Variants in GPHN observed in about 807,000 individuals in gnomAD.
The protein encoded by GPHN is gephyrin.
In GPHN, 17 loss-of-function variants were observed where a neutral mutation model predicts 95.5. That is an observed-to-expected ratio of 0.18 (90% CI 0.12 to 0.27). The LOEUF (loss-of-function observed/expected upper bound fraction) is 0.27, where lower values mean the gene tolerates loss of function less well. GPHN is among the 10% of genes least tolerant of loss of function. GPHN has a pLI of 1.00. For missense variants in GPHN, 660 were observed against 978.1 expected (o/e 0.67, Z 4.34); for synonymous variants, 320 against 322.5 (o/e 0.99, Z 0.08).
chr14:67,584,559 G>C, the GPHN span, among the ~76,000 whole-genome samples: 4 of 152,168 alleles, frequency 2.6e-5, no homozygotes, highest in African/African-American at 9.7e-5. Context: ...ATTTCAGAAG[G>C]AACTTTTCTT....
At chr14:66,728,994 G>GGT (rs2071511087) in intron 2 of GPHN, among the ~76,000 whole-genome samples, 1 of 152,100 alleles carries the variant, frequency 6.6e-6, no homozygotes, top group South Asian at 2.1e-4. Flanking sequence ...TGAATAATGG[G>GGT]GTTGAGTCTT....
intron 17 of GPHN, among the ~76,000 whole-genome samples, chr14:67,129,597 A>G (rs1226117073): frequency 1.3e-5 from 2 of 152,224 alleles, no homozygotes; most frequent in Non-Finnish European, 2.9e-5. Flanking sequence ...AACTTGACAG[A>G]TAACTAATGT....
At chr14:67,270,559 A>G in the GPHN span, 1 of 148,336 alleles carries the variant, frequency 6.7e-6, no homozygotes, top group Non-Finnish European at 1.5e-5. Context: ...TAGTTCAGTC[A>G]TTTACCAGCT....
At chr14:67,214,319 A>G in the GPHN span, among the ~76,000 whole-genome samples, 2 of 152,104 alleles carry the variant, frequency 1.3e-5, no homozygotes, top group East Asian at 3.8e-4. Context: ...TAAGTCTTTA[A>G]TCCATCTTGA....
chr14:66,928,680 C>T (rs2066617987), intron 8 of GPHN, among the ~76,000 whole-genome samples: 1 of 152,056 alleles, frequency 6.6e-6, no homozygotes, highest in Non-Finnish European at 1.5e-5. Flanking sequence ...CCTCTTAGTA[C>T]TGTTTTGCCT....
intron 9 of GPHN, among the ~76,000 whole-genome samples, chr14:66,997,723 T>A (rs1046329776): frequency 2.0e-5 from 3 of 152,234 alleles, no homozygotes; most frequent in Admixed American, 6.5e-5. Flanking sequence ...GCTATCTTCT[T>A]CAATTTTTAA....
At chr14:66,513,934 C>T (rs8004619) in intron 1 of GPHN, among the ~76,000 whole-genome samples, 13 of 151,620 alleles carry the variant, frequency 8.6e-5, no homozygotes, top group African/African-American at 1.9e-4. Flanking sequence ...TTATACATTT[C>T]GAAAGAGTGT....
the GPHN span, among the ~76,000 whole-genome samples, chr14:67,412,627 T>G: frequency 6.6e-6 from 1 of 152,136 alleles, no homozygotes; most frequent in Non-Finnish European, 1.5e-5. Context: ...CAGGGCCCCC[T>G]GTCCGCAGGA....
intron 1 of GPHN, among the ~76,000 whole-genome samples, chr14:66,650,781 C>T (rs767561854): frequency 6.6e-6 from 1 of 152,118 alleles, no homozygotes; most frequent in African/African-American, 2.4e-5. Context: ...ATCAGGAAAA[C>T]GAAACTGGTC....
intron 20 of GPHN, among the ~76,000 whole-genome samples, chr14:67,166,334 C>T (rs2082274211): frequency 6.6e-6 from 1 of 152,132 alleles, no homozygotes; most frequent in Non-Finnish European, 1.5e-5. Flanking sequence ...GAAATGTGCT[C>T]CTTTTCCTAG....
intron 9 of GPHN, among the ~76,000 whole-genome samples, chr14:66,994,969 C>T (rs2071686021): frequency 6.6e-6 from 1 of 152,192 alleles, no homozygotes; most frequent in South Asian, 2.1e-4. Flanking sequence ...TGAGCACCTA[C>T]TACATTCTGC....
the GPHN span, chr14:67,279,356 AC>A: frequency 6.2e-7 from 1 of 1,614,018 alleles, no homozygotes; most frequent in Non-Finnish European, 8.5e-7. Flanking sequence ...TTCGGCAACA[AC>A]AGGAGGACAT....
chr14:67,433,791 G>A, the GPHN span, among the ~76,000 whole-genome samples: 1 of 152,124 alleles, frequency 6.6e-6, no homozygotes, highest in Non-Finnish European at 1.5e-5. Context: ...GATATAAGAT[G>A]AATAAGCATC....
chr14:66,945,022 G>C (rs1016270002), intron 8 of GPHN, among the ~76,000 whole-genome samples: 1 of 152,130 alleles, frequency 6.6e-6, no homozygotes, highest in Non-Finnish European at 1.5e-5. Flanking sequence ...GAAGTGAAAG[G>C]AAAAAAGATT....
the GPHN span, chr14:67,725,070 A>G: frequency 6.8e-6 from 11 of 1,613,686 alleles, no homozygotes; most frequent in Non-Finnish European, 9.3e-6. Context: ...GGATATGAAC[A>G]TACTGCTCTT....
At chr14:67,439,533 G>GTTTCTTTCTTTCTTTC in the GPHN span, among the ~76,000 whole-genome samples, 710 of 96,086 alleles carry the variant, frequency 7.4e-3, 1 homozygote, top group East Asian at 0.019. Context: ...AAATTCAATA[G>GTTTCTTTCTTTCTTTC]TTTCTTTCTT....
chr14:67,114,670 A>G (rs1595198947), intron 16 of GPHN, among the ~76,000 whole-genome samples: 1 of 152,198 alleles, frequency 6.6e-6, no homozygotes, highest in African/African-American at 2.4e-5. Context: ...AGCCTGGGTG[A>G]CAGAGTGAGA....
At chr14:67,210,408 A>G in the GPHN span, among the ~76,000 whole-genome samples, 4 of 152,156 alleles carry the variant, frequency 2.6e-5, no homozygotes, top group Non-Finnish European at 5.9e-5. Flanking sequence ...CAACATAGGG[A>G]GACCCTGTCT....
chr14:67,664,511 T>TC, the GPHN span, among the ~76,000 whole-genome samples: 10 of 151,428 alleles, frequency 6.6e-5, no homozygotes, highest in Non-Finnish European at 1.5e-4. Context: ...TTTTTTTTTT[T>TC]CTTGAGACAG....
Sources: gnomAD v4.1 joint callset for allele counts (sites outside exome capture counted in the v4.1 genomes callset) on GRCh38, gnomAD v4.1.1 for gene constraint, MANE v1.5 for transcripts, NCBI Gene and HGNC (gene_info 2026-07-23, HGNC 2026-07-21) for gene names.